Variants in APPBP2 observed in about 807,000 individuals in gnomAD.
APPBP2 encodes amyloid protein-binding protein 2.
A neutral mutation model predicts 76.0 loss-of-function variants in APPBP2; 15 were observed. The observed-to-expected ratio is 0.20, with a 90% CI of 0.13 to 0.30. APPBP2 has a LOEUF of 0.30. Ranked by LOEUF, APPBP2 falls within the 10% of genes least tolerant of loss-of-function variation. The pLI is 1.00. For missense variants in APPBP2, 401 were observed against 687.2 expected, an observed-to-expected ratio of 0.58 and a Z score of 4.66; for synonymous variants, 222 against 242.2, an observed-to-expected ratio of 0.92 and a Z score of 0.77.
chr17:60,460,960 A>T, intron 8 of APPBP2, 173 bp from the exon 9 acceptor site: 1 of 425,606 alleles, frequency 2.3e-6, no homozygotes, highest in Non-Finnish European at 3.9e-6. Context: ...GAAGTCCTGA[A>T]TTTCTGAAGA....
intron 4 of APPBP2, among the ~76,000 whole-genome samples, chr17:60,473,978 A>C (rs1012004755): frequency 7.9e-5 from 12 of 152,188 alleles, no homozygotes; most frequent in African/African-American, 2.9e-4. Flanking sequence ...ACCAGTAACC[A>C]TCTGCAAAGC....
intron 3 of APPBP2, among the ~76,000 whole-genome samples, chr17:60,490,652 C>T (rs964824286): frequency 6.6e-6 from 1 of 152,202 alleles, no homozygotes; most frequent in Non-Finnish European, 1.5e-5. Flanking sequence ...TGTCCCCACA[C>T]AAATCTCATC....
At chr17:60,474,089 G>A (rs1464898471) in intron 4 of APPBP2, among the ~76,000 whole-genome samples, 1 of 151,994 alleles carries the variant, frequency 6.6e-6, no homozygotes, top group African/African-American at 2.4e-5. Flanking sequence ...TCTTTAAAAA[G>A]CCAGTTAATA....
At chr17:60,519,623 A>G (rs557431176) in intron 1 of APPBP2, among the ~76,000 whole-genome samples, 5 of 152,060 alleles carry the variant, frequency 3.3e-5, no homozygotes, top group Non-Finnish European at 5.9e-5. Flanking sequence ...TGATTATGCC[A>G]CTGCACTACA....
chr17:60,515,580 G>A (rs987982988), intron 1 of APPBP2, among the ~76,000 whole-genome samples: 3 of 152,092 alleles, frequency 2.0e-5, no homozygotes, highest in Admixed American at 6.6e-5. Flanking sequence ...TCCCTGCATC[G>A]TCACTACTGT....
intron 4 of APPBP2, among the ~76,000 whole-genome samples, chr17:60,470,110 T>C (rs1183863378): frequency 2.6e-5 from 4 of 152,158 alleles, no homozygotes. Flanking sequence ...GTACCCATCT[T>C]GGTAGGAATA....
At chr17:60,514,360 C>G (rs562205850) in intron 1 of APPBP2, among the ~76,000 whole-genome samples, 2 of 152,192 alleles carry the variant, frequency 1.3e-5, no homozygotes, top group East Asian at 3.9e-4. Flanking sequence ...AATACCAGCA[C>G]TTTAGGAAGC....
chr17:60,502,715 C>A lies in APPBP2; in HGVS notation c.139-2228G>T, dbSNP rs1455460098. ...ACTAAAAATATAAAAATTAAACAGGCCATGGTGGCAGGCACCTGTAATCCC... is the reference window on the plus strand; with the variant it reads ...ACTAAAAATATAAAAATTAAACAGGACATGGTGGCAGGCACCTGTAATCCC... On this transcript the variant is annotated intron_variant, in intron 1 of 12. Coordinates refer to ENST00000083182, the MANE Select transcript of APPBP2 (RefSeq NM_006380.5). Among the ~76,000 whole-genome samples, 4 of 145,768 alleles carry A rather than the reference C, an allele frequency of 2.7e-5. No individual in the cohort carries two copies. In the South Asian group the frequency reaches 6.2e-4, roughly 23 times the overall value.
At chr17:60,466,543 C>T in intron 4 of APPBP2, 84 bp from the exon 5 acceptor site, 1 of 1,303,572 alleles carries the variant, frequency 7.7e-7, no homozygotes, top group Non-Finnish European at 1.1e-6. Context: ...ACCTGAATGA[C>T]TTAAGGTAAT....
At chr17:60,480,439 A>G (rs768793657) in intron 3 of APPBP2, among the ~76,000 whole-genome samples, 18 of 152,350 alleles carry the variant, frequency 1.2e-4, no homozygotes, top group Non-Finnish European at 1.8e-4. Flanking sequence ...GTATATTACA[A>G]TAAGTGGCTT....
chr17:60,506,592 G>A (rs1051101274), intron 1 of APPBP2, among the ~76,000 whole-genome samples: 1 of 152,080 alleles, frequency 6.6e-6, no homozygotes, highest in Non-Finnish European at 1.5e-5. Flanking sequence ...GTAGCATTAA[G>A]ACATGCATGC....
intron 1 of APPBP2, 141 bp from the exon 2 acceptor site, chr17:60,500,628 A>G: frequency 1.5e-6 from 1 of 670,980 alleles, no homozygotes; most frequent in East Asian, 2.8e-5. Context: ...AATTTCTACA[A>G]TTCATATAAA....
intron 1 of APPBP2, among the ~76,000 whole-genome samples, chr17:60,509,938 G>C (rs1014675205): frequency 6.6e-6 from 1 of 152,198 alleles, no homozygotes; most frequent in Non-Finnish European, 1.5e-5. Context: ...AAAGCTAGGT[G>C]ATAGACATAG....
chr17:60,454,440 C>T lies in APPBP2; in HGVS notation c.1200G>A (p.Gln400=), dbSNP rs61758689. ...AATCATGAGCTTCTTGAAGCAGCCT[C>T]TGTTCAGTTTCCTTATTATGACAAT... is the stretch of plus-strand genomic sequence containing the variant. ...AIDCHNKETE[Q]RLLQEAHDLH... Residue 400 remains glutamine (Q), a synonymous_variant, in exon 11 of 13, where the codon CAG becomes CAA. Coordinates refer to ENST00000083182, the MANE Select transcript of APPBP2 (RefSeq NM_006380.5). 2,586 of 1,609,680 alleles carry T rather than the reference C, an allele frequency of 1.6e-3. 7 individuals carry two copies. The highest frequency in any genetic ancestry group is 2.0e-3 in the Non-Finnish European group (2,382 of 1,178,502).
intron 1 of APPBP2, among the ~76,000 whole-genome samples, chr17:60,518,346 CGTGTGT>C (rs1478076700): frequency 7.8e-6 from 1 of 128,318 alleles, no homozygotes; most frequent in African/African-American, 4.0e-5. Flanking sequence ...CATGCCCAGC[CGTGTGT>C]GCGTGCGTGT....
intron 9 of APPBP2, among the ~76,000 whole-genome samples, chr17:60,456,719 T>G (rs982626833): frequency 9.2e-5 from 14 of 152,112 alleles, no homozygotes; most frequent in South Asian, 2.1e-4. Flanking sequence ...CCTAGCAGTT[T>G]CCTGAACATG....
chr17:60,493,143 C>T (rs547537121), intron 3 of APPBP2, among the ~76,000 whole-genome samples: 54 of 152,266 alleles, frequency 3.5e-4, no homozygotes, highest in African/African-American at 1.2e-3. Context: ...TTCCACCTTC[C>T]GCCATGATTG....
intron 1 of APPBP2, among the ~76,000 whole-genome samples, chr17:60,516,175 C>A (rs80153823): frequency 0.08 from 11,639 of 144,846 alleles, 1,484 homozygotes; most frequent in African/African-American, 0.27. Flanking sequence ...AAAACAAAAA[C>A]AAAAAAAAAA....
chr17:60,518,068 CTTTTTT>C (rs67907414), intron 1 of APPBP2, among the ~76,000 whole-genome samples: 1 of 122,358 alleles, frequency 8.2e-6, no homozygotes, highest in Admixed American at 8.5e-5. Flanking sequence ...TTACAATTTC[CTTTTTT>C]TTTTTTTTTT....
Sources: allele counts gnomAD v4.1 joint callset (sites outside exome capture counted in the v4.1 genomes callset), GRCh38; gene constraint gnomAD v4.1.1; transcripts MANE v1.5; gene names NCBI Gene and HGNC (gene_info 2026-07-23, HGNC 2026-07-21).